CNTN5: variants seen among roughly 807,000 people sequenced by gnomAD.
CNTN5 encodes contactin-5.
CNTN5 carries 77 observed loss-of-function variants against 129.1 expected under a neutral mutation model. That is an observed-to-expected ratio of 0.60 (90% CI 0.50 to 0.72). The LOEUF (loss-of-function observed/expected upper bound fraction) is 0.72. Among genes scored for constraint, CNTN5 ranks in the 30% least tolerant of loss-of-function variants. The pLI is 0.00. For synonymous variants in CNTN5, 509 were observed against 465.6 expected (o/e 1.09, Z -1.20); for missense variants, 1,478 against 1,328.8 (o/e 1.11, Z -1.75).
chr11:99,950,354 G>T (rs957332416), intron 7 of CNTN5, among the ~76,000 whole-genome samples: 1 of 152,114 alleles, frequency 6.6e-6, no homozygotes, highest in Non-Finnish European at 1.5e-5. Flanking sequence ...GGTGGTGGGC[G>T]CCTGTAGTCC....
At chr11:99,462,601 T>G in intron 2 of CNTN5, among the ~76,000 whole-genome samples, 1 of 152,148 alleles carries the variant, frequency 6.6e-6, no homozygotes, top group East Asian at 1.9e-4. Context: ...AAGACCGTAA[T>G]AATGCCTTTG....
chr11:99,106,887 T>C (rs528434637), intron 1 of CNTN5, among the ~76,000 whole-genome samples: 12 of 152,172 alleles, frequency 7.9e-5, no homozygotes, highest in Admixed American at 7.2e-4. Context: ...AATTGTTTAA[T>C]AAGGAAAGAA....
At chr11:100,324,326 G>A (rs1951750608) in intron 21 of CNTN5, among the ~76,000 whole-genome samples, 1 of 152,150 alleles carries the variant, frequency 6.6e-6, no homozygotes, top group African/African-American at 2.4e-5. Flanking sequence ...AAGCTATAGG[G>A]TTATAGTGTC....
intron 3 of CNTN5, among the ~76,000 whole-genome samples, chr11:99,570,012 A>G (rs1032678238): frequency 1.3e-5 from 2 of 152,140 alleles, no homozygotes; most frequent in Non-Finnish European, 2.9e-5. Context: ...GAAAAAAACA[A>G]AGAAGGTAAG....
At chr11:99,767,439 G>A (rs750132148) in intron 3 of CNTN5, among the ~76,000 whole-genome samples, 1 of 152,098 alleles carries the variant, frequency 6.6e-6, no homozygotes, top group South Asian at 2.1e-4. Context: ...ATTTTAATGT[G>A]TTAAATATCA....
At chr11:99,899,294 G>C (rs1949291403) in intron 6 of CNTN5, among the ~76,000 whole-genome samples, 1 of 152,000 alleles carries the variant, frequency 6.6e-6, no homozygotes, top group African/African-American at 2.4e-5. Context: ...AGCCATCCTT[G>C]TCTTTTCCCA....
chr11:100,286,061 G>A (rs563933592), intron 18 of CNTN5, among the ~76,000 whole-genome samples: 13 of 152,298 alleles, frequency 8.5e-5, no homozygotes, highest in South Asian at 4.1e-4. Context: ...CTTAAAAAAC[G>A]GCCCAACACG....
chr11:99,579,929 C>T (rs2135607583), intron 3 of CNTN5, among the ~76,000 whole-genome samples: 1 of 150,272 alleles, frequency 6.7e-6, no homozygotes, highest in Admixed American at 6.6e-5. Flanking sequence ...GAGAATGCTT[C>T]CAGTTTTTGC....
At position 100,358,167 on chromosome 11, in the gene CNTN5, T is replaced by A. The variant is rs951878611; in HGVS notation, c.*1947T>A. The A allele has an allele frequency of 1.3e-5, 2 of 151,920 alleles. No homozygotes were observed. Among genetic ancestry groups the A allele is most frequent in the African/African-American group, 4.8e-5 (2 of 41,436 alleles). 9.4% of individuals were successfully genotyped at this position (151,920 alleles called of 1,614,324 possible). On this transcript the variant is annotated 3_prime_UTR_variant, in exon 25 of 25. Coordinates refer to ENST00000524871, the MANE Select transcript of CNTN5 (RefSeq NM_014361.4). The stretch of plus-strand genomic sequence containing the variant: ...TTTTAATGCAAAATAATTTTACGTA[T>A]TTCATGAATCAAGCCATTTTCTTCA...
chr11:99,965,189 T>C (rs977339022), intron 8 of CNTN5, among the ~76,000 whole-genome samples: 12 of 152,220 alleles, frequency 7.9e-5, no homozygotes, highest in African/African-American at 2.9e-4. Context: ...TAGTTATTTC[T>C]TGCCTTCTGC....
intron 8 of CNTN5, among the ~76,000 whole-genome samples, chr11:99,971,508 A>T (rs576046179): frequency 6.6e-6 from 1 of 151,890 alleles, no homozygotes; most frequent in East Asian, 1.9e-4. Context: ...GTGCCACTGC[A>T]CTCCAGCCTG....
chr11:99,476,198 T>C (rs150822060), intron 2 of CNTN5, among the ~76,000 whole-genome samples: 1 of 152,218 alleles, frequency 6.6e-6, no homozygotes, highest in East Asian at 1.9e-4. Context: ...TGCTATGACA[T>C]TAAAATTATC....
chr11:99,641,651 C>G (rs1951775782), intron 3 of CNTN5, among the ~76,000 whole-genome samples: 1 of 152,046 alleles, frequency 6.6e-6, no homozygotes, highest in African/African-American at 2.4e-5. Context: ...TTTCTGGAGT[C>G]AGTGCCATTA....
At chr11:100,271,012 G>A in intron 17 of CNTN5, 80 bp from the exon 18 acceptor site, 1 of 1,148,898 alleles carries the variant, frequency 8.7e-7, no homozygotes, top group East Asian at 2.4e-5. Flanking sequence ...GATTCTGTCA[G>A]TAGCATTAAT....
intron 13 of CNTN5, among the ~76,000 whole-genome samples, chr11:100,118,563 T>C (rs1306808569): frequency 1.3e-5 from 2 of 151,946 alleles, no homozygotes; most frequent in African/African-American, 4.8e-5. Context: ...TTATCTATTG[T>C]CTTCAGCTGT....
At chr11:99,784,051 A>G (rs1382411146) in intron 3 of CNTN5, among the ~76,000 whole-genome samples, 1 of 152,124 alleles carries the variant, frequency 6.6e-6, no homozygotes, top group African/African-American at 2.4e-5. Flanking sequence ...TACTCTAGTC[A>G]CTACTCAAAT....
intron 7 of CNTN5, among the ~76,000 whole-genome samples, chr11:99,934,158 T>C (rs1367531949): frequency 6.6e-6 from 1 of 152,238 alleles, no homozygotes; most frequent in Admixed American, 6.5e-5. Flanking sequence ...TTTTCCTCCT[T>C]TCCTAGTTAG....
chr11:100,229,856 C>A (rs149295666), intron 16 of CNTN5, among the ~76,000 whole-genome samples: 1 of 152,090 alleles, frequency 6.6e-6, no homozygotes. Context: ...ATAGAGGTTG[C>A]GTAGTTTTCC....
At chr11:99,580,522 T>C (rs1949540676) in intron 3 of CNTN5, among the ~76,000 whole-genome samples, 1 of 152,198 alleles carries the variant, frequency 6.6e-6, no homozygotes, top group Non-Finnish European at 1.5e-5. Flanking sequence ...GCTATTGGTC[T>C]ATTCAGATAT....
Sources: allele counts gnomAD v4.1 joint callset (sites outside exome capture counted in the v4.1 genomes callset), GRCh38; gene constraint gnomAD v4.1.1; transcripts MANE v1.5; gene names NCBI Gene and HGNC (gene_info 2026-07-23, HGNC 2026-07-21).